Variants in KAZN observed in about 807,000 individuals in gnomAD.
KAZN encodes the protein kazrin.
Under a neutral mutation model 87.4 loss-of-function variants are expected in KAZN, and 40 were observed. The ratio of observed to expected loss-of-function variants is 0.46; its 90% CI spans 0.36 to 0.60. The LOEUF (loss-of-function observed/expected upper bound fraction) is 0.60, where lower values mean the gene tolerates loss of function less well. Ranked by LOEUF, KAZN falls within the 20% of genes least tolerant of loss-of-function variation. The pLI, the probability that KAZN is intolerant of heterozygous loss-of-function variation, is 0.00. For synonymous variants in KAZN, 466 were observed against 458.3 expected, an observed-to-expected ratio of 1.02 and a Z score of -0.22; for missense variants, 898 against 1,073.9, an observed-to-expected ratio of 0.84 and a Z score of 2.29.
At chr1:14,675,301 TC>T (rs537274751) in intron 1 of KAZN, among the ~76,000 whole-genome samples, 4 of 152,342 alleles carry the variant, frequency 2.6e-5, no homozygotes, top group African/African-American at 9.6e-5. Context: ...GAAGTCAAGT[TC>T]TCAGAGTGCG....
intron 2 of KAZN, among the ~76,000 whole-genome samples, chr1:14,982,072 G>A (rs1316179669): frequency 6.6e-6 from 1 of 152,174 alleles, no homozygotes; most frequent in East Asian, 1.9e-4. Flanking sequence ...TGCATACGTG[G>A]TCCCATTTGA....
At chr1:14,992,221 T>C (rs1045734757) in intron 2 of KAZN, among the ~76,000 whole-genome samples, 1 of 152,142 alleles carries the variant, frequency 6.6e-6, no homozygotes, top group Non-Finnish European at 1.5e-5. Flanking sequence ...GAGGAGCATC[T>C]GCAACATGTG....
chr1:14,868,808 C>A (rs547059502), intron 1 of KAZN, among the ~76,000 whole-genome samples: 96 of 152,034 alleles, frequency 6.3e-4, no homozygotes, highest in Admixed American at 1.5e-3. Flanking sequence ...CATGCCACTG[C>A]ACTCCAGCCT....
Position 14,392,716 on chromosome 1 carries a change from A to G in KAZN, c.250-206267A>G, listed in dbSNP as rs148709709. Among the ~76,000 whole-genome samples the G allele has an allele frequency of 2.9e-3, 448 of 152,284 alleles. 2 individuals are homozygous for G. Among genetic ancestry groups the G allele is most frequent in the African/African-American group, 9.8e-3 (407 of 41,560 alleles). On this transcript the variant is annotated intron_variant, in intron 2 of 16. Transcript: ENST00000636203. ...CATGACAATAGAGAAAAAGTCTGCG[A>G]ACATTGCCAAATGTCCCCTGGGCGG...
At chr1:14,850,739 T>C (rs1457398317) in intron 1 of KAZN, among the ~76,000 whole-genome samples, 1 of 150,596 alleles carries the variant, frequency 6.6e-6, no homozygotes, top group Non-Finnish European at 1.5e-5. Flanking sequence ...CCAGGAGAGG[T>C]TTCACCCAGA....
At chr1:14,885,328 A>C (rs2690024) in intron 1 of KAZN, among the ~76,000 whole-genome samples, 118,258 of 151,860 alleles carry the variant, frequency 0.78, 46,533 homozygotes, top group East Asian at 0.96. Flanking sequence ...TGCCTGCTGA[A>C]CATTGCAGCT....
intron 2 of KAZN, among the ~76,000 whole-genome samples, chr1:14,486,104 A>G (rs1669339570): frequency 6.6e-6 from 1 of 152,166 alleles, no homozygotes; most frequent in Admixed American, 6.5e-5. Context: ...AACGTGGCTA[A>G]GCTCCACTTT....
intron 10 of KAZN, among the ~76,000 whole-genome samples, chr1:15,095,874 T>A (rs1000485804): frequency 7.2e-5 from 11 of 151,952 alleles, no homozygotes; most frequent in African/African-American, 2.7e-4. Context: ...TCGGCATGAC[T>A]CTAGGGTGGC....
intron 1 of KAZN, among the ~76,000 whole-genome samples, chr1:14,902,035 C>T (rs1361657699): frequency 6.6e-6 from 1 of 152,092 alleles, no homozygotes; most frequent in Non-Finnish European, 1.5e-5. Flanking sequence ...AGATGGCCAA[C>T]CCACCGGGCA....
chr1:15,063,256 A>T (rs989062837), intron 6 of KAZN: 2 of 373,158 alleles, frequency 5.4e-6, no homozygotes, highest in Non-Finnish European at 9.8e-6. Flanking sequence ...TCTAGCTCTA[A>T]CTCAGAGGAC....
intron 1 of KAZN, among the ~76,000 whole-genome samples, chr1:14,920,739 G>A (rs1458890160): frequency 2.6e-5 from 4 of 152,166 alleles, no homozygotes; most frequent in Non-Finnish European, 5.9e-5. Flanking sequence ...GGCCCAGTGT[G>A]ACCACACAGG....
chr1:14,580,448 C>G (rs945872622), intron 2 of KAZN, among the ~76,000 whole-genome samples: 2 of 151,844 alleles, frequency 1.3e-5, no homozygotes, highest in Non-Finnish European at 2.9e-5. Context: ...GCACTCCAGC[C>G]TGGTCAACAA....
chr1:13,946,773 A>G (rs75459591), intron 1 of KAZN, among the ~76,000 whole-genome samples: 3 of 124,332 alleles, frequency 2.4e-5, no homozygotes, highest in East Asian at 2.1e-4. Flanking sequence ...CCGTAACCCT[A>G]CTTCCTAGCA....
At chr1:14,104,248 G>A (rs1003815970) in intron 1 of KAZN, among the ~76,000 whole-genome samples, 4 of 152,128 alleles carry the variant, frequency 2.6e-5, no homozygotes, top group Non-Finnish European at 5.9e-5. Context: ...CTCCTTCCCC[G>A]CAAGGAGCAC....
At chr1:14,512,865 G>A (rs797014942) in intron 2 of KAZN, among the ~76,000 whole-genome samples, 29 of 152,320 alleles carry the variant, frequency 1.9e-4, no homozygotes, top group African/African-American at 6.3e-4. Flanking sequence ...GTCCTCTTCC[G>A]ATGACACCTT....
chr1:14,554,006 G>C (rs973737203), intron 2 of KAZN, among the ~76,000 whole-genome samples: 2 of 152,166 alleles, frequency 1.3e-5, no homozygotes, highest in Non-Finnish European at 2.9e-5. Flanking sequence ...CTGGGAATTA[G>C]AGAATGTAGA....
At chr1:14,325,603 A>G (rs556330129) in intron 2 of KAZN, among the ~76,000 whole-genome samples, 1 of 152,338 alleles carries the variant, frequency 6.6e-6, no homozygotes, top group East Asian at 1.9e-4. Context: ...ATATTTGGTA[A>G]AATATACAAA....
At chr1:14,995,357 C>T (rs1306007866) in intron 2 of KAZN, among the ~76,000 whole-genome samples, 3 of 152,194 alleles carry the variant, frequency 2.0e-5, no homozygotes, top group African/African-American at 7.2e-5. Flanking sequence ...CTCCCCTTCC[C>T]TTTGCTATCA....
At chr1:14,500,764 T>C (rs1306314319) in intron 2 of KAZN, among the ~76,000 whole-genome samples, 1 of 151,994 alleles carries the variant, frequency 6.6e-6, no homozygotes, top group East Asian at 1.9e-4. Context: ...ACTACCTACC[T>C]CATAAAATAA....
Sources: allele counts gnomAD v4.1 joint callset (sites outside exome capture counted in the v4.1 genomes callset), GRCh38; gene constraint gnomAD v4.1.1; transcripts MANE v1.5; gene names NCBI Gene and HGNC (gene_info 2026-07-23, HGNC 2026-07-21).